The following HTR4 variants were observed in gnomAD, a reference collection of about 807,000 sequenced individuals.
HTR4 encodes 5-hydroxytryptamine receptor 4.
HTR4 carries 16 observed loss-of-function variants against 36.8 expected under a neutral mutation model. That is an observed-to-expected ratio of 0.43 (90% CI 0.29 to 0.66). The LOEUF is 0.66. HTR4 is among the 30% of genes least tolerant of loss of function. HTR4 has a pLI of 0.13. For missense variants in HTR4, 438 were observed against 490.9 expected (o/e 0.89, Z 1.02); for synonymous variants, 189 against 185.1 (o/e 1.02, Z -0.17).
chr5:148,583,564 A>G (rs1400431557), intron 2 of HTR4, among the ~76,000 whole-genome samples: 1 of 152,124 alleles, frequency 6.6e-6, no homozygotes, highest in African/African-American at 2.4e-5. Flanking sequence ...AGCAGTTATC[A>G]TAGTTACAGC....
chr5:148,624,413 G>A (rs1313409327), intron 2 of HTR4, among the ~76,000 whole-genome samples: 1 of 152,156 alleles, frequency 6.6e-6, no homozygotes, highest in Non-Finnish European at 1.5e-5. Flanking sequence ...TGGAGCGCAT[G>A]AGAAAATACT....
chr5:148,606,007 T>C (rs1418084059), intron 2 of HTR4, among the ~76,000 whole-genome samples: 3 of 152,168 alleles, frequency 2.0e-5, no homozygotes, highest in African/African-American at 7.2e-5. Context: ...GCCCTCTGGG[T>C]CTCAGAATCT....
At chr5:148,610,935 A>G (rs2127280145) in intron 2 of HTR4, among the ~76,000 whole-genome samples, 2 of 150,882 alleles carry the variant, frequency 1.3e-5, no homozygotes, top group African/African-American at 4.9e-5. Context: ...CAGCAATGGA[A>G]GATGAAATGA....
At chr5:148,588,785 C>T (rs1024622140) in intron 2 of HTR4, among the ~76,000 whole-genome samples, 1 of 151,190 alleles carries the variant, frequency 6.6e-6, no homozygotes, top group Non-Finnish European at 1.5e-5. Context: ...CATGATCCAC[C>T]CGCCTCGGCC....
At chr5:148,521,644 T>C (rs1348465308) in intron 5 of HTR4, among the ~76,000 whole-genome samples, 2 of 151,984 alleles carry the variant, frequency 1.3e-5, no homozygotes, top group South Asian at 2.1e-4. Context: ...TCTCTCTCTC[T>C]ACACAAACAC....
intron 2 of HTR4, among the ~76,000 whole-genome samples, chr5:148,565,650 ATACACT>A (rs1760403063): frequency 6.6e-6 from 1 of 152,156 alleles, no homozygotes; most frequent in Non-Finnish European, 1.5e-5. Flanking sequence ...ACCAACATGT[ATACACT>A]CACACCTACA....
chr5:148,498,799 C>T (rs1756803695), intron 6 of HTR4, among the ~76,000 whole-genome samples: 1 of 152,096 alleles, frequency 6.6e-6, no homozygotes, highest in Non-Finnish European at 1.5e-5. Flanking sequence ...TTTGAATAAT[C>T]AACGGGTACC....
chr5:148,482,346 C>A lies in HTR4; in HGVS notation c.*857G>T, dbSNP rs984569536. On this transcript the variant is annotated 3_prime_UTR_variant, in exon 7 of 7. Coordinates refer to ENST00000377888, the MANE Select transcript of HTR4 (RefSeq NM_000870.7). ...TAATAAACACCTACGATGTTGCTAGCCCTGCCCAAGGCTTTTTAGAAGACG... is the reference window on the plus strand; with the variant it reads ...TAATAAACACCTACGATGTTGCTAGACCTGCCCAAGGCTTTTTAGAAGACG... The A allele has an allele frequency of 2.0e-6, 2 of 985,528 alleles. No homozygotes were observed. Among genetic ancestry groups the A allele is most frequent in the Non-Finnish European group, 2.4e-6 (2 of 830,016 alleles). The allele number at this position is 985,528 out of a possible 1,614,324, so 61.0% of individuals were successfully genotyped here.
intron 4 of HTR4, among the ~76,000 whole-genome samples, chr5:148,528,848 G>A (rs539590835): frequency 7.4e-4 from 112 of 152,028 alleles, no homozygotes; most frequent in African/African-American, 2.7e-3. Context: ...GCACTGGCTG[G>A]TTTGATAATA....
intron 5 of HTR4, among the ~76,000 whole-genome samples, chr5:148,458,358 T>G (rs1388476196): frequency 6.6e-6 from 1 of 151,932 alleles, no homozygotes; most frequent in Admixed American, 6.6e-5. Flanking sequence ...CTAAAATTTT[T>G]TTTTTTGATT....
chr5:148,461,049 AG>A (rs1755266105), intron 5 of HTR4, among the ~76,000 whole-genome samples: 1 of 152,076 alleles, frequency 6.6e-6, no homozygotes, highest in African/African-American at 2.4e-5. Context: ...ATCATTTGAA[AG>A]TGGACTTGGA....
chr5:148,563,662 G>T (rs961557214), intron 2 of HTR4, among the ~76,000 whole-genome samples: 1 of 152,126 alleles, frequency 6.6e-6, no homozygotes, highest in African/African-American at 2.4e-5. Flanking sequence ...AAAAAATAGT[G>T]CCTGTATTGA....
intron 2 of HTR4, among the ~76,000 whole-genome samples, chr5:148,617,494 A>C (rs1752746309): frequency 6.7e-6 from 1 of 150,114 alleles, no homozygotes; most frequent in African/African-American, 2.5e-5. Flanking sequence ...TTTGAGATGG[A>C]GTCTTGCCCT....
intron 6 of HTR4, among the ~76,000 whole-genome samples, chr5:148,501,261 T>C (rs1756922039): frequency 6.6e-6 from 1 of 152,208 alleles, no homozygotes; most frequent in Admixed American, 6.5e-5. Flanking sequence ...GAAAAGTACA[T>C]ATAAAATGAT....
chr5:148,470,234 T>C (rs1755531496), intron 5 of HTR4, among the ~76,000 whole-genome samples: 1 of 152,222 alleles, frequency 6.6e-6, no homozygotes, highest in Non-Finnish European at 1.5e-5. Context: ...CTTAAATATT[T>C]ACTATATATA....
At chr5:148,553,964 G>A (rs2113855314) in intron 2 of HTR4, among the ~76,000 whole-genome samples, 1 of 152,298 alleles carries the variant, frequency 6.6e-6, no homozygotes, top group East Asian at 1.9e-4. Flanking sequence ...AGAGCCCAAA[G>A]GTGAACACAG....
intron 2 of HTR4, among the ~76,000 whole-genome samples, chr5:148,596,619 C>T (rs999974125): frequency 3.3e-5 from 5 of 151,886 alleles, no homozygotes; most frequent in Admixed American, 1.3e-4. Context: ...AGCATCACCA[C>T]CCCCTTCTGC....
chr5:148,554,883 A>G (rs1235883175), intron 2 of HTR4, among the ~76,000 whole-genome samples: 1 of 152,016 alleles, frequency 6.6e-6, no homozygotes, highest in Non-Finnish European at 1.5e-5. Context: ...CCCCACTTGT[A>G]AGTAAGAACA....
intron 2 of HTR4, among the ~76,000 whole-genome samples, chr5:148,632,008 C>T (rs907149165): frequency 2.6e-5 from 4 of 152,114 alleles, no homozygotes; most frequent in East Asian, 3.9e-4. Flanking sequence ...TCCCTAGTAC[C>T]GTCATCAAGC....
Sources: allele counts gnomAD v4.1 joint callset (sites outside exome capture counted in the v4.1 genomes callset), GRCh38; gene constraint gnomAD v4.1.1; transcripts MANE v1.5; gene names NCBI Gene and HGNC (gene_info 2026-07-23, HGNC 2026-07-21).